SLC8A1: variants seen among roughly 807,000 people sequenced by gnomAD.
The protein encoded by SLC8A1 is sodium/calcium exchanger 1.
SLC8A1 carries 18 observed loss-of-function variants against 68.3 expected under a neutral mutation model. The ratio of observed to expected loss-of-function variants is 0.26; its 90% CI spans 0.18 to 0.39. The LOEUF (loss-of-function observed/expected upper bound fraction) is 0.39. Ranked by LOEUF, SLC8A1 falls within the 10% of genes least tolerant of loss-of-function variation. The pLI is 1.00. For synonymous variants in SLC8A1, 475 were observed against 415.5 expected (o/e 1.14, Z -1.74); for missense variants, 985 against 1,156.7 (o/e 0.85, Z 2.15).
intron 2 of SLC8A1, among the ~76,000 whole-genome samples, chr2:40,410,093 T>G (rs1020752152): frequency 2.6e-5 from 4 of 152,018 alleles, no homozygotes; most frequent in Non-Finnish European, 5.9e-5. Flanking sequence ...AATAAAAACT[T>G]TATGTTTTAA....
At chr2:40,483,515 A>G (rs1271933355) in intron 1 of SLC8A1, among the ~76,000 whole-genome samples, 2 of 152,194 alleles carry the variant, frequency 1.3e-5, no homozygotes, top group Non-Finnish European at 2.9e-5. Flanking sequence ...GCTACAGTCA[A>G]CAAAGCCAAA....
At position 40,406,748 on chromosome 2, in the gene SLC8A1, A is replaced by G. The variant is rs143234304; in HGVS notation, c.1808+21725T>C. 3.3e-4 allele frequency among the ~76,000 whole-genome samples: 50 copies of G among 152,288 alleles called. 1 individual carries two copies. The highest frequency in any genetic ancestry group is 1.1e-3 in the African/African-American group (46 of 41,572). On this transcript the variant is annotated intron_variant, in intron 2 of 7. Coordinates refer to ENST00000406785, the Ensembl canonical transcript of SLC8A1. Reference sequence around the variant, plus strand: ...TCCTGCATTTCGATCTAAGCCTACAATCTAACCATTGTCAGCTCACCCCAT... The same window carrying G: ...TCCTGCATTTCGATCTAAGCCTACAGTCTAACCATTGTCAGCTCACCCCAT...
chr2:40,287,106 G>C (rs1334213735), intron 2 of SLC8A1, among the ~76,000 whole-genome samples: 2 of 152,138 alleles, frequency 1.3e-5, no homozygotes, highest in African/African-American at 2.4e-5. Context: ...GTTACACTCA[G>C]CTTGTCTGTC....
At chr2:40,192,639 T>C (rs936172599) in intron 2 of SLC8A1, among the ~76,000 whole-genome samples, 3 of 152,154 alleles carry the variant, frequency 2.0e-5, no homozygotes, top group Admixed American at 2.0e-4. Flanking sequence ...AGTTTTACTT[T>C]TTGTATTATT....
chr2:40,328,809 C>A (rs908855823), intron 2 of SLC8A1, among the ~76,000 whole-genome samples: 1 of 152,084 alleles, frequency 6.6e-6, no homozygotes, highest in African/African-American at 2.4e-5. Context: ...AATCTCCCAC[C>A]TGGACTATTG....
chr2:40,346,997 A>G (rs1669560674), intron 2 of SLC8A1, among the ~76,000 whole-genome samples: 1 of 152,266 alleles, frequency 6.6e-6, no homozygotes, highest in South Asian at 2.1e-4. Flanking sequence ...TGTTTCCCAC[A>G]TCTCCTTTTG....
At chr2:40,330,969 A>C (rs1466885887) in intron 2 of SLC8A1, among the ~76,000 whole-genome samples, 1 of 152,226 alleles carries the variant, frequency 6.6e-6, no homozygotes, top group Admixed American at 6.5e-5. Flanking sequence ...AAAACGTCTC[A>C]AAAGACAATA....
chr2:40,289,296 G>A (rs372444703), intron 2 of SLC8A1, among the ~76,000 whole-genome samples: 3 of 151,970 alleles, frequency 2.0e-5, no homozygotes, highest in African/African-American at 7.2e-5. Flanking sequence ...AATATTTCTG[G>A]TCTGGTTAGA....
At chr2:40,320,501 A>G (rs2075058341) in intron 2 of SLC8A1, among the ~76,000 whole-genome samples, 1 of 152,180 alleles carries the variant, frequency 6.6e-6, no homozygotes, top group Non-Finnish European at 1.5e-5. Flanking sequence ...GTAAAACTAC[A>G]ATTTGATGTC....
At chr2:40,450,971 G>C (rs977917005) in intron 1 of SLC8A1, among the ~76,000 whole-genome samples, 2 of 152,134 alleles carry the variant, frequency 1.3e-5, no homozygotes, top group Non-Finnish European at 2.9e-5. Context: ...CGGGGTGGTG[G>C]GGGGGATAGA....
intron 2 of SLC8A1, chr2:40,190,747 C>G (rs180730547): frequency 6.6e-6 from 1 of 152,122 alleles, no homozygotes; most frequent in African/African-American, 2.4e-5. Flanking sequence ...TCCACAGAAA[C>G]GCTACATAAA....
intron 2 of SLC8A1, among the ~76,000 whole-genome samples, chr2:40,207,693 C>T (rs940952606): frequency 6.6e-6 from 1 of 152,012 alleles, no homozygotes; most frequent in African/African-American, 2.4e-5. Flanking sequence ...ATTCTGGCTC[C>T]AAGTTTCTAA....
Position 40,360,940 on chromosome 2 carries a change from G to A in SLC8A1, c.1808+67533C>T, listed in dbSNP as rs147879105. ...TGTGAGTCAGACATTTGGAGAGTCA[G>A]AATAAAATGAGCACAAAAAGAGCCT... is the stretch of plus-strand genomic sequence containing the variant. On this transcript the variant is annotated intron_variant, in intron 2 of 7. Coordinates refer to ENST00000406785, the Ensembl canonical transcript of SLC8A1. Among the ~76,000 whole-genome samples, 1,129 of 152,048 alleles carry A rather than the reference G, an allele frequency of 7.4e-3. 5 individuals carry two copies. The highest frequency in any genetic ancestry group is 0.026 in the African/African-American group (1,065 of 41,488).
At chr2:40,128,265 T>G (rs1158451388) in intron 7 of SLC8A1, among the ~76,000 whole-genome samples, 1 of 152,254 alleles carries the variant, frequency 6.6e-6, no homozygotes, top group Non-Finnish European at 1.5e-5. Flanking sequence ...TTAAATTCAT[T>G]TGTTTCTCAT....
rs541888379 is a variant in SLC8A1, at chr2:40,353,435, T to C, written c.1808+75038A>G. Among the ~76,000 whole-genome samples the C allele has an allele frequency of 1.2e-4, 19 of 152,154 alleles. No individual in the cohort carries two copies. In the South Asian group the frequency reaches 1.7e-3, roughly 13 times the overall value. On this transcript the variant is annotated intron_variant, in intron 2 of 7. Transcript: ENST00000406785. ...CGCAGGCTCTCCAAGGCCTGTAGAT[T>C]TTTCATTATGGAAAATGGCTCTGAC...
At chr2:40,266,275 C>T (rs771943289) in intron 2 of SLC8A1, among the ~76,000 whole-genome samples, 23 of 152,156 alleles carry the variant, frequency 1.5e-4, no homozygotes, top group Admixed American at 6.6e-5. Flanking sequence ...ATCTTGCCAG[C>T]CTGAGCCTAA....
chr2:40,153,672 G>T (rs1216634376), intron 6 of SLC8A1, among the ~76,000 whole-genome samples: 1 of 152,176 alleles, frequency 6.6e-6, no homozygotes, highest in Admixed American at 6.5e-5. Context: ...GAAAGAGCAG[G>T]AGCTTGGAGA....
intron 2 of SLC8A1, among the ~76,000 whole-genome samples, chr2:40,225,139 G>T (rs1182449018): frequency 6.6e-6 from 1 of 152,034 alleles, no homozygotes; most frequent in African/African-American, 2.4e-5. Flanking sequence ...TGAGTGATTG[G>T]TCCAAAAGAA....
At position 40,232,744 on chromosome 2, in the gene SLC8A1, TCC is replaced by T. The variant is rs1344286548; in HGVS notation, c.1809-54891_1809-54890del. 3.9e-3 allele frequency among the ~76,000 whole-genome samples: 196 copies of T among 50,660 alleles called. 1 individual carries two copies. The highest frequency in any genetic ancestry group is 6.5e-3 in the Non-Finnish European group (139 of 21,256). 33.2% of individuals were successfully genotyped at this position (50,660 alleles called of 152,430 possible). On this transcript the variant is annotated intron_variant, in intron 2 of 7. Transcript: ENST00000406785. ...TAGGTATATCTCCCAGTGCTATCCC[TCC>T]CCCCCCGCCACCCCACAACAGTCCC...
Sources: allele counts gnomAD v4.1 joint callset (sites outside exome capture counted in the v4.1 genomes callset), GRCh38; gene constraint gnomAD v4.1.1; transcripts MANE v1.5; gene names NCBI Gene and HGNC (gene_info 2026-07-23, HGNC 2026-07-21).